PDGFRA: variants seen among roughly 807,000 people sequenced by gnomAD.
The protein encoded by PDGFRA is platelet-derived growth factor receptor alpha.
In PDGFRA, 25 loss-of-function variants were observed where a neutral mutation model predicts 121.5. The ratio of observed to expected loss-of-function variants is 0.21; its 90% CI spans 0.15 to 0.29. The LOEUF (loss-of-function observed/expected upper bound fraction) is 0.29. PDGFRA is among the 10% of genes least tolerant of loss of function. The probability of loss-of-function intolerance (pLI) is 1.00; values close to 1 mark genes in which losing one functional copy is unlikely to be tolerated. For synonymous variants in PDGFRA, 463 were observed against 494.8 expected (o/e 0.94, Z 0.85); for missense variants, 1,008 against 1,345.1 (o/e 0.75, Z 3.92).
At chr4:54,259,911 C>T (rs1284888453) in intron 2 of PDGFRA, among the ~76,000 whole-genome samples, 2 of 152,128 alleles carry the variant, frequency 1.3e-5, no homozygotes, top group Non-Finnish European at 2.9e-5. Context: ...TTTCTAAGTT[C>T]TGTGCTCCAT....
chr4:54,259,962 T>C (rs1722597404), intron 2 of PDGFRA, among the ~76,000 whole-genome samples: 1 of 152,004 alleles, frequency 6.6e-6, no homozygotes, highest in East Asian at 1.9e-4. Context: ...TCCAAAAGAG[T>C]GAAAAGAAAT....
Position 54,261,355 on chromosome 4 carries a change from C to A in PDGFRA, c.310C>A (p.His104Asn). The A allele has an allele frequency of 6.2e-7, 1 of 1,614,084 alleles. No homozygotes were observed. ...HTGLYTCYYN[H>N]TQTEENELEG... ...AGGGTTGTACACTTGCTATTACAAC[C>A]ACACTCAGACAGAAGAGAATGAGCT... Residue 104 changes from histidine (H) to asparagine (N), a missense_variant, in exon 3 of 23, where the codon CAC becomes AAC. By Grantham distance (68) the His-to-Asn change is moderately conservative (BLOSUM62 1). Coordinates refer to ENST00000257290, the MANE Select transcript of PDGFRA (RefSeq NM_006206.6).
Position 54,290,452 on chromosome 4 carries a change from T to C in PDGFRA, c.3020T>C (p.Leu1007Pro). The C allele has an allele frequency of 6.2e-7, 1 of 1,614,056 alleles. No homozygotes were observed. The highest frequency in any genetic ancestry group is 2.2e-5 in the East Asian group (1 of 44,876). The change falls in exon 22 of 23, where the codon CTG (leucine) becomes CCG (proline). Residue 1007 changes from leucine (L) to proline (P), a missense_variant. Leu to Pro is a moderately conservative substitution (Grantham distance 98). Around this residue, in one of 5 missense-constraint regions of PDGFRA, gnomAD observed 204 missense variants for 243.0 expected, o/e 0.84. Transcript: ENST00000257290. ...EDKLKDWEGG[L>P]DEQRLSADSG... is the part of the protein sequence containing the mutation. ...AAGCTGAAGGACTGGGAGGGTGGTC[T>C]GGATGAGCAGAGACTGAGCGCTGAC...
intron 12 of PDGFRA, chr4:54,277,090 G>T (rs1048401925): frequency 2.2e-6 from 1 of 444,628 alleles, no homozygotes; most frequent in Non-Finnish European, 4.1e-6. Flanking sequence ...GATCCCAGGG[G>T]CTGGCCCAGC....
rs1367611443 is a variant in PDGFRA at position 54,261,345 on chromosome 4, C to A, written c.300C>A (p.Cys100Ter). 6.2e-7 allele frequency: 1 copy of A among 1,613,876 alleles called. No homozygotes were observed. Among genetic ancestry groups the A allele is most frequent in the African/African-American group, 1.3e-5 (1 of 74,904 alleles). Residue 100 changes from cysteine (C) to a stop codon, truncating the protein, a stop_gained, in exon 3 of 23, where the codon TGC becomes TGA. Transcript: ENST00000257290. LOFTEE classifies it high-confidence loss of function. ...ASAAHTGLYTCYYNHTQTEEN... is the reference protein window; with the variant it reads ...ASAAHTGLYT ...CGGCCCACACAGGGTTGTACACTTG[C>A]TATTACAACCACACTCAGACAGAAG...
At chr4:54,264,317 T>C in intron 4 of PDGFRA, 2 of 328,132 alleles carry the variant, frequency 6.1e-6, no homozygotes, top group South Asian at 4.4e-5. Flanking sequence ...TAGTTTAGAC[T>C]TCAACCCTTT....
chr4:54,267,780 G>C, intron 7 of PDGFRA, 39 bp downstream of exon 7: 1 of 1,550,262 alleles, frequency 6.5e-7, no homozygotes, highest in South Asian at 1.1e-5. Flanking sequence ...TTTTTTTAGT[G>C]TGCATCAGAG....
At chr4:54,245,773 T>C (rs1355696084) in intron 1 of PDGFRA, among the ~76,000 whole-genome samples, 1 of 152,146 alleles carries the variant, frequency 6.6e-6, no homozygotes, top group Non-Finnish European at 1.5e-5. Flanking sequence ...ACTGGCAAAT[T>C]GGATAAAGAG....
rs2110344618 is a variant in PDGFRA at position 54,288,841 on chromosome 4, A to T, written c.2717A>T (p.Tyr906Phe). ...GGCATGATGGTGGATTCTACTTTCT[A>T]CAATAAGATCAAGAGTGGGTACCGG... ...YPGMMVDSTF[Y>F]NKIKSGYRMA... is the part of the protein sequence containing the mutation. The change falls in exon 20 of 23, where the codon TAC (tyrosine) becomes TTC (phenylalanine). Residue 906 changes from tyrosine (Y) to phenylalanine (F), a missense_variant. This residue lies in a region of PDGFRA where 204 missense variants were observed against 243.0 expected (regional missense o/e 0.84). Transcript: ENST00000257290. The T allele has an allele frequency of 6.2e-7, 1 of 1,613,636 alleles. No individual in the cohort carries two copies. Among genetic ancestry groups the T allele is most frequent in the East Asian group, 2.2e-5 (1 of 44,868 alleles).
intron 1 of PDGFRA, among the ~76,000 whole-genome samples, chr4:54,238,430 C>T (rs1299812879): frequency 6.6e-6 from 1 of 152,142 alleles, no homozygotes; most frequent in African/African-American, 2.4e-5. Flanking sequence ...ATCACATGCA[C>T]ACATATTTTA....
Position 54,290,443 on chromosome 4 carries a change from A to T in PDGFRA, c.3011A>T (p.Glu1004Val). The change falls in exon 22 of 23, where the codon GAG becomes GTG. Residue 1004 changes from glutamate (E) to valine (V), a missense_variant. Glu to Val is a moderately radical substitution (Grantham distance 121). Coordinates refer to ENST00000257290, the MANE Select transcript of PDGFRA (RefSeq NM_006206.6). ...KNEEDKLKDW[E>V]GGLDEQRLSA... is the part of the protein sequence containing the mutation. ...GAGGAAGACAAGCTGAAGGACTGGG[A>T]GGGTGGTCTGGATGAGCAGAGACTG... 3 of 1,614,048 alleles carry T rather than the reference A, an allele frequency of 1.9e-6. No individual in the cohort carries two copies. Among genetic ancestry groups the T allele is most frequent in the Non-Finnish European group, 2.5e-6 (3 of 1,179,894 alleles).
At chr4:54,266,316 A>G (rs1222801808) in intron 5 of PDGFRA, among the ~76,000 whole-genome samples, 1 of 152,214 alleles carries the variant, frequency 6.6e-6, no homozygotes, top group East Asian at 1.9e-4. Context: ...GGAGAGACAA[A>G]GGAAAGGCTA....
At position 54,274,517 on chromosome 4, in the gene PDGFRA, C is replaced by A. The variant is rs2110295919; in HGVS notation, c.1559-14C>A. 1 of 1,601,918 alleles carries A rather than the reference C, an allele frequency of 6.2e-7. No homozygotes were observed. The highest frequency in any genetic ancestry group is 8.5e-7 in the Non-Finnish European group (1 of 1,169,610). On this transcript the variant is annotated splice_polypyrimidine_tract_variant and intron_variant, in intron 10 of 22. Coordinates refer to ENST00000257290, the MANE Select transcript of PDGFRA (RefSeq NM_006206.6). ...AGGAAACTTTTCATTGTGCCTCTCTCTCTTGTCACGTAGCCCTGCGTTCTG... is the reference window on the plus strand; with the variant it reads ...AGGAAACTTTTCATTGTGCCTCTCTATCTTGTCACGTAGCCCTGCGTTCTG...
Position 54,296,864 on chromosome 4 carries a change from G to A in PDGFRA, c.*1592G>A, listed in dbSNP as rs1044594945. On this transcript the variant is annotated 3_prime_UTR_variant, in exon 23 of 23. Transcript: ENST00000257290. ...TTAATGCCATCTAGCTAGCAATTGC[G>A]ACCTTAATTTAACTTTCCAGTCTTA... 4.3e-6 allele frequency: 1 copy of A among 232,850 alleles called. No homozygotes were observed. The highest frequency in any genetic ancestry group is 8.5e-6 in the Non-Finnish European group (1 of 117,882). 14.4% of individuals were successfully genotyped at this position (232,850 alleles called of 1,614,324 possible).
intron 15 of PDGFRA, chr4:54,279,107 T>G: frequency 6.8e-6 from 2 of 295,876 alleles, no homozygotes; most frequent in South Asian, 6.0e-5. Flanking sequence ...CGGCTCAAGT[T>G]CCAACCAAGG....
chr4:54,250,412 T>C (rs989667015), intron 1 of PDGFRA, among the ~76,000 whole-genome samples: 2 of 152,230 alleles, frequency 1.3e-5, no homozygotes, highest in Non-Finnish European at 2.9e-5. Flanking sequence ...ATATTTGGCT[T>C]ATTAGATATA....
chr4:54,246,666 C>A (rs1245732060), intron 1 of PDGFRA, among the ~76,000 whole-genome samples: 2 of 150,730 alleles, frequency 1.3e-5, no homozygotes, highest in East Asian at 3.9e-4. Context: ...ACTAGAAAAG[C>A]AAGAGCAAAC....
At chr4:54,252,434 A>G (rs1389624810) in intron 1 of PDGFRA, among the ~76,000 whole-genome samples, 1 of 152,184 alleles carries the variant, frequency 6.6e-6, no homozygotes, top group Non-Finnish European at 1.5e-5. Context: ...CAGAGTTATG[A>G]TTTGTCCTCA....
At chr4:54,278,916 C>T (rs752371693) in intron 15 of PDGFRA, 1 of 460,620 alleles carries the variant, frequency 2.2e-6, no homozygotes, top group South Asian at 1.6e-5. Flanking sequence ...TAAATGACGT[C>T]AATGATAGTG....
Sources: gnomAD v4.1 joint callset for allele counts (sites outside exome capture counted in the v4.1 genomes callset) on GRCh38, gnomAD v4.1.1 for gene constraint, gnomAD v4.1.1 regional missense constraint, MANE v1.5 for transcripts, NCBI Gene and HGNC (gene_info 2026-07-23, HGNC 2026-07-21) for gene names.